Variants in FANCA observed in about 807,000 individuals in gnomAD.
The protein encoded by FANCA is FA complementation group A.
A neutral mutation model predicts 194.3 loss-of-function variants in FANCA; 236 were observed. That is an observed-to-expected ratio of 1.21 (90% confidence interval 1.09 to 1.35). The LOEUF (loss-of-function observed/expected upper bound fraction) is 1.35, where lower values mean the gene tolerates loss of function less well. Ranked by LOEUF, FANCA falls within the 40% of genes most tolerant of loss-of-function variation. The pLI, the probability that FANCA is intolerant of heterozygous loss-of-function variation, is 0.00. For missense variants in FANCA, 2,628 were observed against 1,813.9 expected (o/e 1.45, Z -8.15); for synonymous variants, 1,014 against 715.8 (o/e 1.42, Z -6.65).
At chr16:89,791,158 C>G (rs1215423236) in intron 14 of FANCA, 1 of 565,748 alleles carries the variant, frequency 1.8e-6, no homozygotes, top group African/African-American at 1.9e-5. Flanking sequence ...GGGGAAGGAG[C>G]TGAGGCCCCG....
At position 89,739,295 on chromosome 16, in the gene FANCA, G is replaced by C; in HGVS notation, c.4011-6C>G. On this transcript the variant is annotated splice_region_variant and splice_polypyrimidine_tract_variant and intron_variant, in intron 40 of 42. Transcript: ENST00000389301. ...CATGGAAGTAGGAGAGAAGACTAGAGGTAAAGACATAGTGACAAATGGCTA... is the reference window on the plus strand; with the variant it reads ...CATGGAAGTAGGAGAGAAGACTAGACGTAAAGACATAGTGACAAATGGCTA... The C allele has an allele frequency of 6.2e-7, 1 of 1,614,126 alleles. No individual in the cohort carries two copies. Among genetic ancestry groups the C allele is most frequent in the Non-Finnish European group, 8.5e-7 (1 of 1,180,008 alleles).
Position 89,773,393 on chromosome 16 carries a change from A to C in FANCA, c.1901-9T>G, listed in dbSNP as rs886052486. 2 of 1,540,892 alleles carry C rather than the reference A, an allele frequency of 1.3e-6. No individual in the cohort carries two copies. The highest frequency in any genetic ancestry group is 2.4e-5 in the East Asian group (1 of 40,842). Reference sequence around the variant, plus strand: ...CACTCCCAGGGCTGCATCTGTGAGAAGAAGGAAGAAACCAGATGGAAAGAC... The same window carrying C: ...CACTCCCAGGGCTGCATCTGTGAGACGAAGGAAGAAACCAGATGGAAAGAC... On this transcript the variant is annotated splice_polypyrimidine_tract_variant and intron_variant, in intron 21 of 42. Transcript: ENST00000389301.
intron 33 of FANCA, among the ~76,000 whole-genome samples, chr16:89,747,962 G>C (rs2038448428): frequency 6.6e-6 from 1 of 152,158 alleles, no homozygotes; most frequent in Non-Finnish European, 1.5e-5. Flanking sequence ...ACCCAGGCTG[G>C]AGTGTAGTGG....
At chr16:89,752,476 C>T (rs539202504) in intron 30 of FANCA, among the ~76,000 whole-genome samples, 1 of 152,234 alleles carries the variant, frequency 6.6e-6, no homozygotes, top group South Asian at 2.1e-4. Context: ...GCCACCCAGG[C>T]ACCAAGGCAA....
chr16:89,781,363 C>CAAAAACAAAAAA (rs1567627447), intron 17 of FANCA, among the ~76,000 whole-genome samples: 23 of 60,286 alleles, frequency 3.8e-4, no homozygotes, highest in Non-Finnish European at 5.6e-4. Context: ...GACTCCATTC[C>CAAAAACAAAAAA]AAAAAAAAAA....
chr16:89,754,061 A>C (rs1042314381), intron 30 of FANCA, among the ~76,000 whole-genome samples: 1 of 152,044 alleles, frequency 6.6e-6, no homozygotes, highest in Non-Finnish European at 1.5e-5. Context: ...CTCAAAAACA[A>C]ACAAACAAAA....
intron 42 of FANCA, 68 bp downstream of exon 42, chr16:89,738,814 C>A: frequency 6.2e-7 from 1 of 1,613,956 alleles, no homozygotes; most frequent in African/African-American, 1.3e-5. Flanking sequence ...GCCAGGCAGG[C>A]ACATGGCCCA....
chr16:89,759,254 A>T (rs17226953), intron 29 of FANCA, among the ~76,000 whole-genome samples: 14,013 of 134,804 alleles, frequency 0.1, 863 homozygotes, highest in Non-Finnish European at 0.15. Context: ...TGGGAGGTGG[A>T]GCTTGCAGTG....
chr16:89,813,567 G>C (rs893607753), intron 3 of FANCA, among the ~76,000 whole-genome samples: 1 of 151,968 alleles, frequency 6.6e-6, no homozygotes, highest in Non-Finnish European at 1.5e-5. Context: ...TGAATAGCTG[G>C]GACTACAGGC....
chr16:89,791,244 T>C, intron 14 of FANCA, 159 bp downstream of exon 14: 1 of 964,852 alleles, frequency 1.0e-6, no homozygotes. Flanking sequence ...CCCAGGCTCC[T>C]CGGCACACGC....
rs566164219 is a variant in FANCA, at chr16:89,755,815, G to T, written c.2981+2762C>A. Among the ~76,000 whole-genome samples the T allele has an allele frequency of 2.6e-5, 4 of 152,174 alleles. No homozygotes were observed. The South Asian group carries it at 8.3e-4, about 32-fold the overall frequency. On this transcript the variant is annotated intron_variant, in intron 30 of 42. Transcript: ENST00000389301. ...CATCACGTGAACATCCAAGAGCACA[G>T]ACACAGACCAGAGCCCCCCGCACAC... is the stretch of plus-strand genomic sequence containing the variant.
chr16:89,812,459 C>T (rs905414886), intron 3 of FANCA, among the ~76,000 whole-genome samples: 1 of 150,724 alleles, frequency 6.6e-6, no homozygotes, highest in African/African-American at 2.4e-5. Flanking sequence ...CCAGCCTGAC[C>T]AACATGGTGA....
chr16:89,812,686 C>T (rs932393168), intron 3 of FANCA, among the ~76,000 whole-genome samples: 5 of 130,884 alleles, frequency 3.8e-5, no homozygotes, highest in African/African-American at 5.2e-5. Flanking sequence ...AACTGCAGTA[C>T]GAACCTGTTA....
chr16:89,789,668 G>A (rs943685655), intron 14 of FANCA, among the ~76,000 whole-genome samples: 16 of 151,876 alleles, frequency 1.1e-4, no homozygotes, highest in Admixed American at 6.6e-4. Flanking sequence ...TGAACCCCTG[G>A]GCTCAAGCAA....
intron 36 of FANCA, among the ~76,000 whole-genome samples, chr16:89,743,196 C>T (rs1250419901): frequency 6.6e-6 from 1 of 152,190 alleles, no homozygotes; most frequent in East Asian, 1.9e-4. Context: ...CTGGTCCTGT[C>T]TACCTTGCCC....
At chr16:89,780,030 A>T (rs781697814) in intron 17 of FANCA, 73 bp from the exon 18 acceptor site, 142 of 1,319,530 alleles carry the variant, frequency 1.1e-4, no homozygotes, top group Non-Finnish European at 1.4e-4. Flanking sequence ...TGAAGGCCAC[A>T]CTCAACCTGT....
At chr16:89,783,519 C>T (rs1681091738) in intron 15 of FANCA, among the ~76,000 whole-genome samples, 1 of 151,300 alleles carries the variant, frequency 6.6e-6, no homozygotes, top group South Asian at 2.1e-4. Flanking sequence ...CCACTGCACT[C>T]CAGCCTGGGT....
rs756173179 is a variant in FANCA, at chr16:89,738,290, A to G, written c.*311T>C. On this transcript the variant is annotated 3_prime_UTR_variant, in exon 43 of 43. Transcript: ENST00000389301. ...GCACCTCTAGCAGCCTGGACTCCGC[A>G]GTGGCTGTGTCAGCCTCACCCTTCG... The G allele has an allele frequency of 3.2e-6, 5 of 1,547,074 alleles. No individual in the cohort carries two copies. Among genetic ancestry groups the G allele is most frequent in the South Asian group, 2.4e-5 (2 of 84,662 alleles).
intron 5 of FANCA, among the ~76,000 whole-genome samples, chr16:89,808,746 T>C (rs2143660768): frequency 6.6e-6 from 1 of 152,274 alleles, no homozygotes; most frequent in South Asian, 2.1e-4. Flanking sequence ...AGGACAAAGG[T>C]CAGGCTTCAG....
Sources: gnomAD v4.1 joint callset for allele counts (sites outside exome capture counted in the v4.1 genomes callset) on GRCh38, gnomAD v4.1.1 for gene constraint, MANE v1.5 for transcripts, NCBI Gene and HGNC (gene_info 2026-07-23, HGNC 2026-07-21) for gene names.